The following ZNF264 variants were observed in gnomAD, a reference collection of about 807,000 sequenced individuals.
The protein encoded by ZNF264 is zinc finger protein 264.
A neutral mutation model predicts 11.2 loss-of-function variants in ZNF264; 11 were observed. That is an observed-to-expected ratio of 0.98 (90% CI 0.62 to 1.63). ZNF264 has a LOEUF of 1.63. Ranked by LOEUF, ZNF264 falls within the 40% of genes most tolerant of loss-of-function variation. ZNF264 has a pLI of 0.00. For missense variants in ZNF264, 752 were observed against 768.1 expected (o/e 0.98, Z 0.25); for synonymous variants, 309 against 279.8 (o/e 1.10, Z -1.04).
At chr19:57,205,613 T>A (rs1163157643) in intron 3 of ZNF264, 121 bp downstream of exon 3, 7 of 858,430 alleles carry the variant, frequency 8.2e-6, no homozygotes, top group East Asian at 2.7e-5. Context: ...AACTCTTATA[T>A]AACTCTATCA....
intron 3 of ZNF264, among the ~76,000 whole-genome samples, chr19:57,209,714 C>G (rs1406290932): frequency 1.3e-5 from 2 of 152,112 alleles, no homozygotes; most frequent in Non-Finnish European, 2.9e-5. Context: ...GTAGTTGGGA[C>G]TACACAGGCT....
chr19:57,222,618 T>C lies in ZNF264; in HGVS notation c.*9637T>C, dbSNP rs1002010824. On this transcript the variant is annotated 3_prime_UTR_variant, in exon 4 of 4. Transcript: ENST00000263095. ...ACGTGTATGAATATATATATATGGCTATAAGTGGTGCGACTTGCAGGTACT... is the reference window on the plus strand; with the variant it reads ...ACGTGTATGAATATATATATATGGCCATAAGTGGTGCGACTTGCAGGTACT... The C allele has an allele frequency of 6.6e-6, 1 of 152,046 alleles. No individual in the cohort carries two copies. Among genetic ancestry groups the C allele is most frequent in the Non-Finnish European group, 1.5e-5 (1 of 68,020 alleles). 9.4% of individuals were successfully genotyped at this position (152,046 alleles called of 1,614,324 possible). A position where few individuals can be genotyped will look rare whatever the true frequency, so the allele number is the denominator to read the frequency against.
intron 1 of ZNF264, chr19:57,193,548 C>T (rs2087190338): frequency 4.1e-6 from 4 of 984,940 alleles, no homozygotes; most frequent in South Asian, 4.7e-5. Context: ...CAGGTACTGC[C>T]GTTGTAACCA....
Position 57,212,926 on chromosome 19 carries a change from C to T in ZNF264, c.1829C>T (p.Ser610Phe). Residue 610 changes from serine (S) to phenylalanine (F), a missense_variant, in exon 4 of 4, where the codon TCC becomes TTC. Coordinates refer to ENST00000263095, the MANE Select transcript of ZNF264 (RefSeq NM_003417.5). Reference protein sequence around the residue: ...EANILPEETSSSASDQPYQRE... With the variant: ...EANILPEETSFSASDQPYQRE... ...AATATTTTGCCAGAGGAAACATCTT[C>T]CTCTGCATCTGATCAACCATACCAA... 1 of 1,614,108 alleles carries T rather than the reference C, an allele frequency of 6.2e-7. No individual in the cohort carries two copies. The highest frequency in any genetic ancestry group is 8.5e-7 in the Non-Finnish European group (1 of 1,179,980).
intron 2 of ZNF264, among the ~76,000 whole-genome samples, chr19:57,202,303 T>A (rs188078192): frequency 6.6e-6 from 1 of 152,040 alleles, no homozygotes; most frequent in East Asian, 1.9e-4. Flanking sequence ...GAAGAATTCA[T>A]TATTTACAAT....
At chr19:57,195,268 A>G (rs964748673) in intron 2 of ZNF264, among the ~76,000 whole-genome samples, 2 of 152,260 alleles carry the variant, frequency 1.3e-5, no homozygotes, top group Non-Finnish European at 2.9e-5. Flanking sequence ...AAATGCTGAT[A>G]TGAAGTCAGT....
chr19:57,206,009 T>G (rs1337843302), intron 3 of ZNF264, among the ~76,000 whole-genome samples: 1 of 152,188 alleles, frequency 6.6e-6, no homozygotes, highest in Non-Finnish European at 1.5e-5. Flanking sequence ...CCTGTTGCAT[T>G]AAGATTATCC....
chr19:57,193,356 G>A (rs1462181117), intron 1 of ZNF264: 3 of 237,056 alleles, frequency 1.3e-5, no homozygotes, highest in Non-Finnish European at 2.1e-5. Flanking sequence ...ACTGTTACTG[G>A]TGGGAAGTGT....
rs367613560 is a variant in ZNF264, at chr19:57,213,015, C to A, written c.*34C>A. 5 of 1,567,330 alleles carry A rather than the reference C, an allele frequency of 3.2e-6. No individual in the cohort carries two copies. Among genetic ancestry groups the A allele is most frequent in the Non-Finnish European group, 4.3e-6 (5 of 1,155,646 alleles). ...TCTGTTGCTGAATATTACTTGTCAT[C>A]TGAAGAGTCATATTAGAAATTCGTT... On this transcript the variant is annotated 3_prime_UTR_variant, in exon 4 of 4. Coordinates refer to ENST00000263095, the MANE Select transcript of ZNF264 (RefSeq NM_003417.5).
chr19:57,199,268 C>T (rs1212398704), intron 2 of ZNF264, among the ~76,000 whole-genome samples: 1 of 151,960 alleles, frequency 6.6e-6, no homozygotes, highest in Non-Finnish European at 1.5e-5. Context: ...CTGGCAATTA[C>T]AGGGCTCTTC....
At chr19:57,195,136 C>T (rs377693205) in intron 2 of ZNF264, among the ~76,000 whole-genome samples, 2 of 152,184 alleles carry the variant, frequency 1.3e-5, no homozygotes, top group African/African-American at 4.8e-5. Context: ...TGAGATCATA[C>T]ATAATCTTCA....
intron 3 of ZNF264, among the ~76,000 whole-genome samples, chr19:57,206,467 TGACCTCGTGATCC>T (rs2087293757): frequency 6.6e-6 from 1 of 151,970 alleles, no homozygotes; most frequent in African/African-American, 2.4e-5. Flanking sequence ...CTCGATCTCC[TGACCTCGTGATCC>T]ACCCGCCTCG....
In ZNF264 at chr19:57,191,709, T is replaced by G. The variant is rs2302058; in HGVS notation, c.-205T>G. On this transcript the variant is annotated 5_prime_UTR_variant, in exon 1 of 4. Transcript: ENST00000263095. Reference sequence around the variant, plus strand: ...TCCCCCGCCCTTCAGCCCCGCGGTCTCCAGGGGCGGCGCCCTGGGTCTGGA... The same window carrying G: ...TCCCCCGCCCTTCAGCCCCGCGGTCGCCAGGGGCGGCGCCCTGGGTCTGGA... 0.44 allele frequency: 179,172 copies of G among 407,540 alleles called. 43,317 individuals carry two copies. Among genetic ancestry groups the G allele is most frequent in the African/African-American group, 0.77 (37,556 of 48,494 alleles). The allele number at this position is 407,540 out of a possible 1,614,324, so 25.2% of individuals were successfully genotyped here. A position where few individuals can be genotyped will look rare whatever the true frequency, so the allele number is the denominator to read the frequency against.
chr19:57,204,460 C>T (rs190794728), intron 2 of ZNF264, among the ~76,000 whole-genome samples: 4 of 152,218 alleles, frequency 2.6e-5, no homozygotes, highest in East Asian at 1.9e-4. Flanking sequence ...ATGGTGTTGT[C>T]GTGATAGCAC....
Position 57,220,027 on chromosome 19 carries a change from G to C in ZNF264, c.*7046G>C, listed in dbSNP as rs1254039044. 1 of 152,224 alleles carries C rather than the reference G, an allele frequency of 6.6e-6. No homozygotes were observed. Among genetic ancestry groups the C allele is most frequent in the Non-Finnish European group, 1.5e-5 (1 of 68,046 alleles). 9.4% of individuals were successfully genotyped at this position (152,224 alleles called of 1,614,324 possible). A position where few individuals can be genotyped will look rare whatever the true frequency, so the allele number is the denominator to read the frequency against. The stretch of plus-strand genomic sequence containing the variant: ...ACATTTACAGCATCTGTGTGTGGTA[G>C]GTAATGTTGTTTCCTTCATTTTGCA... On this transcript the variant is annotated 3_prime_UTR_variant, in exon 4 of 4. Coordinates refer to ENST00000263095, the MANE Select transcript of ZNF264 (RefSeq NM_003417.5).
chr19:57,198,390 A>G (rs182139443), intron 2 of ZNF264, among the ~76,000 whole-genome samples: 24 of 152,006 alleles, frequency 1.6e-4, no homozygotes, highest in Non-Finnish European at 2.9e-4. Flanking sequence ...ACTAATCTCC[A>G]CAGTCCCTCC....
intron 2 of ZNF264, among the ~76,000 whole-genome samples, chr19:57,201,845 A>G (rs78596963): frequency 0.033 from 4,952 of 151,860 alleles, 128 homozygotes; most frequent in South Asian, 0.058. Context: ...GTGTGGTACA[A>G]TCCCTTAGTG....
Position 57,212,104 on chromosome 19 carries a change from T to C in ZNF264, c.1007T>C (p.Val336Ala). ...HRPGFLRHYV[V>A]HSGENPYECL... ...CCAGGCTTTCTCCGGCACTATGTTG[T>C]CCACAGTGGTGAGAATCCCTATGAG... is the stretch of plus-strand genomic sequence containing the variant. The change falls in exon 4 of 4, where the codon GTC becomes GCC. Residue 336 changes from valine to alanine, a missense_variant. Transcript: ENST00000263095. The C allele has an allele frequency of 6.2e-7, 1 of 1,614,198 alleles. No individual in the cohort carries two copies.
At chr19:57,211,187 T>G (rs1263197913) in intron 3 of ZNF264, among the ~76,000 whole-genome samples, 167 bp from the exon 4 acceptor site, 1 of 151,950 alleles carries the variant, frequency 6.6e-6, no homozygotes, top group Non-Finnish European at 1.5e-5. Flanking sequence ...ATATCCCGAG[T>G]CCAAGGACCA....
Sources: allele counts gnomAD v4.1 joint callset (sites outside exome capture counted in the v4.1 genomes callset), GRCh38; gene constraint gnomAD v4.1.1; transcripts MANE v1.5; gene names NCBI Gene and HGNC (gene_info 2026-07-23, HGNC 2026-07-21).